The following FBXL17 variants were observed in gnomAD, a reference collection of about 807,000 sequenced individuals.
The protein encoded by FBXL17 is F-box/LRR-repeat protein 17.
In FBXL17, 22 loss-of-function variants were observed where a neutral mutation model predicts 66.2. The ratio of observed to expected loss-of-function variants is 0.33; its 90% CI spans 0.24 to 0.47. The LOEUF (loss-of-function observed/expected upper bound fraction) is 0.47. Among genes scored for constraint, FBXL17 ranks in the 20% least tolerant of loss-of-function variants. The pLI is 1.00. For synonymous variants in FBXL17, 474 were observed against 400.5 expected (o/e 1.18, Z -2.19); for missense variants, 878 against 948.2 (o/e 0.93, Z 0.97).
intron 6 of FBXL17, among the ~76,000 whole-genome samples, chr5:108,148,739 T>C (rs1184281112): frequency 1.3e-5 from 2 of 152,188 alleles, no homozygotes; most frequent in African/African-American, 4.8e-5. Context: ...TACAGATTAA[T>C]ATCTCAGGGT....
At chr5:108,348,624 G>A (rs1184739735) in intron 3 of FBXL17, 94 bp from the exon 4 acceptor site, 2 of 1,209,786 alleles carry the variant, frequency 1.7e-6, no homozygotes, top group Non-Finnish European at 2.3e-6. Context: ...AAATAACCAC[G>A]TCAGAGTTAA....
chr5:108,153,029 A>G (rs1751830865), intron 6 of FBXL17, among the ~76,000 whole-genome samples: 1 of 152,058 alleles, frequency 6.6e-6, no homozygotes, highest in African/African-American at 2.4e-5. Flanking sequence ...ATGGTTTTAT[A>G]AGGGGGAGTT....
At chr5:107,866,565 A>T (rs142492144) in intron 8 of FBXL17, among the ~76,000 whole-genome samples, 7 of 152,266 alleles carry the variant, frequency 4.6e-5, no homozygotes, top group African/African-American at 1.7e-4. Flanking sequence ...CGGTGTAACA[A>T]ATTTATCTAG....
Position 107,911,694 on chromosome 5 carries a change from GA to G in FBXL17, c.1823-30516del, listed in dbSNP as rs1378209602. ...CCTAAAGCACATAAAGGAATAGATT[GA>G]AAAATGTAGCTTCATAAAATTAAAT... On this transcript the variant is annotated intron_variant, in intron 7 of 8. Transcript: ENST00000542267. Among the ~76,000 whole-genome samples, 15 of 152,192 alleles carry G rather than the reference GA, an allele frequency of 9.9e-5. No individual in the cohort carries two copies. In the East Asian group the frequency reaches 2.5e-3, roughly 25 times the overall value.
intron 4 of FBXL17, among the ~76,000 whole-genome samples, chr5:108,324,138 A>G (rs1759744662): frequency 6.6e-6 from 1 of 152,102 alleles, no homozygotes; most frequent in Admixed American, 6.6e-5. Flanking sequence ...CAACAGAAAG[A>G]CAAGGAAACC....
chr5:107,881,626 G>T (rs1748795495), intron 7 of FBXL17, among the ~76,000 whole-genome samples: 2 of 151,998 alleles, frequency 1.3e-5, no homozygotes, highest in South Asian at 4.1e-4. Flanking sequence ...TTACCAATTG[G>T]CATAATTTTT....
intron 4 of FBXL17, among the ~76,000 whole-genome samples, chr5:108,247,962 G>C (rs1580687255): frequency 6.6e-6 from 1 of 152,286 alleles, no homozygotes; most frequent in East Asian, 1.9e-4. Flanking sequence ...GCTAGAAAGA[G>C]CAGTATTTCC....
At chr5:108,125,647 T>C (rs1011271786) in intron 6 of FBXL17, among the ~76,000 whole-genome samples, 1 of 152,058 alleles carries the variant, frequency 6.6e-6, no homozygotes, top group Non-Finnish European at 1.5e-5. Context: ...ATAGTTTTGA[T>C]GGAACGTGGT....
At chr5:108,168,046 C>G (rs898056773) in intron 6 of FBXL17, among the ~76,000 whole-genome samples, 1 of 152,162 alleles carries the variant, frequency 6.6e-6, no homozygotes, top group Non-Finnish European at 1.5e-5. Context: ...CTTGTCACAT[C>G]TGAATCCCAA....
intron 6 of FBXL17, among the ~76,000 whole-genome samples, chr5:108,124,287 G>A (rs1750613616): frequency 6.6e-6 from 1 of 151,786 alleles, no homozygotes; most frequent in South Asian, 2.1e-4. Flanking sequence ...TATGAAATAT[G>A]TTAAAAAAAA....
At chr5:108,299,195 G>A (rs1327010944) in intron 4 of FBXL17, 15 of 984,682 alleles carry the variant, frequency 1.5e-5, no homozygotes, top group Non-Finnish European at 1.8e-5. Flanking sequence ...GGCAGAGTTG[G>A]ACCTTTATAC....
chr5:107,889,347 T>G (rs1358024949), intron 7 of FBXL17, among the ~76,000 whole-genome samples: 1 of 152,224 alleles, frequency 6.6e-6, no homozygotes, highest in African/African-American at 2.4e-5. Flanking sequence ...CTCAATTGTT[T>G]GTGAAAATTT....
At chr5:107,946,073 T>A (rs1477172879) in intron 7 of FBXL17, among the ~76,000 whole-genome samples, 1 of 151,204 alleles carries the variant, frequency 6.6e-6, no homozygotes, top group African/African-American at 2.4e-5. Context: ...GTCTACCACT[T>A]TCCTATTTGA....
chr5:108,361,954 C>G (rs1200710671), intron 3 of FBXL17, among the ~76,000 whole-genome samples: 1 of 152,180 alleles, frequency 6.6e-6, no homozygotes, highest in African/African-American at 2.4e-5. Context: ...GGGTGAGGCA[C>G]AGGCAAGTAA....
intron 6 of FBXL17, among the ~76,000 whole-genome samples, chr5:108,126,698 A>G (rs1289524553): frequency 7.0e-6 from 1 of 143,344 alleles, no homozygotes. Context: ...CACATACATA[A>G]CATGAGTCAG....
chr5:107,883,162 G>C (rs1748849070), intron 7 of FBXL17, among the ~76,000 whole-genome samples: 1 of 152,174 alleles, frequency 6.6e-6, no homozygotes, highest in African/African-American at 2.4e-5. Flanking sequence ...CCTTGGCTAA[G>C]AATTTCAGGT....
intron 5 of FBXL17, among the ~76,000 whole-genome samples, chr5:108,214,092 A>T (rs1339494438): frequency 6.6e-6 from 1 of 152,166 alleles, no homozygotes; most frequent in Non-Finnish European, 1.5e-5. Flanking sequence ...TCACTTTTAT[A>T]ACAACATATT....
At chr5:108,224,280 A>C in intron 4 of FBXL17, 52 bp from the exon 5 acceptor site, 91 of 1,074,394 alleles carry the variant, frequency 8.5e-5, no homozygotes, top group Non-Finnish European at 1.2e-4. Context: ...CAGTGAACTC[A>C]AGGATTTGGC....
rs769410280 is a variant in FBXL17 at position 108,364,808 on chromosome 5, G to A, written c.1304C>T (p.Ser435Phe). 6.2e-7 allele frequency: 1 copy of A among 1,612,758 alleles called. No individual in the cohort carries two copies. Among genetic ancestry groups the A allele is most frequent in the Admixed American group, 1.7e-5 (1 of 59,906 alleles). Residue 435 changes from serine (S) to phenylalanine (F), a missense_variant, in exon 3 of 9, where the codon TCT becomes TTT. This residue lies in a region of FBXL17 where 236 missense variants were observed against 389.1 expected (regional missense o/e 0.61). Coordinates refer to ENST00000542267, the MANE Select transcript of FBXL17 (RefSeq NM_001163315.3). ...LSDTSIIAVA[S>F]HCPLLQKVHV... ...CACTTTCTGAAGTAAAGGACAGTGA[G>A]AGGCAACCGCAATAATAGAGGTGTC...
Sources: gnomAD v4.1 joint callset for allele counts (sites outside exome capture counted in the v4.1 genomes callset) on GRCh38, gnomAD v4.1.1 for gene constraint, gnomAD v4.1.1 regional missense constraint, MANE v1.5 for transcripts, NCBI Gene and HGNC (gene_info 2026-07-23, HGNC 2026-07-21) for gene names.